RTF2: variants seen among roughly 807,000 people sequenced by gnomAD.
The protein encoded by RTF2 is UPF0549 protein C20orf43.
Under a neutral mutation model 38.0 loss-of-function variants are expected in RTF2, and 18 were observed. The observed-to-expected ratio is 0.47, with a 90% CI of 0.33 to 0.70. The LOEUF (loss-of-function observed/expected upper bound fraction) is 0.70. Among genes scored for constraint, RTF2 ranks in the 30% least tolerant of loss-of-function variants. The pLI is 0.02. For missense variants in RTF2, 311 were observed against 379.6 expected (o/e 0.82, Z 1.50); for synonymous variants, 126 against 137.1 (o/e 0.92, Z 0.57).
Position 56,518,151 on chromosome 20 carries a change from C to T in RTF2, c.807C>T (p.Ile269=), listed in dbSNP as rs200691661. 1.9e-5 allele frequency: 30 copies of T among 1,614,030 alleles called. No homozygotes were observed. Among genetic ancestry groups the T allele is most frequent in the East Asian group, 4.5e-5 (2 of 44,896 alleles). The change falls in exon 9 of 9, where the codon ATC becomes ATT. Residue 269 remains isoleucine, a synonymous_variant. Coordinates refer to ENST00000357348, the MANE Select transcript of RTF2 (RefSeq NM_016407.5). ...KPPCGATKRS[I]ADSEESEAYK... is the part of the protein sequence containing the mutation. ...CGTGTGGAGCCACAAAGAGGTCCAT[C>T]GCTGACAGTGAAGAATCGGAGGCCT...
rs539046442 is a variant in RTF2 at position 56,468,665 on chromosome 20, G to A, written c.-33G>A. 2 of 1,550,858 alleles carry A rather than the reference G, an allele frequency of 1.3e-6. No homozygotes were observed. Among genetic ancestry groups the A allele is most frequent in the Non-Finnish European group, 8.7e-7 (1 of 1,145,152 alleles). ...GAAATCCCGGAAGTGACAGCTTTGG[G>A]GGTTTGCTGCTGGCTCTGACTCCCG... On this transcript the variant is annotated 5_prime_UTR_variant, in exon 1 of 9. Coordinates refer to ENST00000357348, the MANE Select transcript of RTF2 (RefSeq NM_016407.5).
At chr20:56,514,884 TAA>T (rs1413226872) in intron 6 of RTF2, among the ~76,000 whole-genome samples, 1 of 152,246 alleles carries the variant, frequency 6.6e-6, no homozygotes, top group South Asian at 2.1e-4. Flanking sequence ...AACAACTGTT[TAA>T]AGAGTCACTT....
At chr20:56,492,814 G>A (rs980182145) in intron 5 of RTF2, among the ~76,000 whole-genome samples, 1 of 152,026 alleles carries the variant, frequency 6.6e-6, no homozygotes, top group Admixed American at 6.6e-5. Flanking sequence ...TTTCAGAAAC[G>A]TTGCTCTTTC....
intron 2 of RTF2, 81 bp from the exon 3 acceptor site, chr20:56,474,597 G>A (rs938977448): frequency 1.2e-6 from 1 of 821,456 alleles, no homozygotes; most frequent in Admixed American, 2.7e-5. Flanking sequence ...ACGACTTTTG[G>A]ATTGTGTTCA....
intron 4 of RTF2, among the ~76,000 whole-genome samples, chr20:56,478,616 C>T (rs912361374): frequency 2.0e-5 from 3 of 152,180 alleles, no homozygotes; most frequent in Non-Finnish European, 4.4e-5. Context: ...TCACCTGAAC[C>T]TTCAGCGAGT....
chr20:56,491,919 C>G lies in RTF2; in HGVS notation c.477+7730C>G. 7 of 642,082 alleles carry G rather than the reference C, an allele frequency of 1.1e-5. No homozygotes were observed. The East Asian group carries it at 1.9e-4, about 18-fold the overall frequency. 39.8% of individuals were successfully genotyped at this position (642,082 alleles called of 1,614,324 possible). Reference sequence around the variant, plus strand: ...CCAGAGTTCACATCAAACAGCATTTCCATGATTGCCTTGACAGGGGCTTTT... The same window carrying G: ...CCAGAGTTCACATCAAACAGCATTTGCATGATTGCCTTGACAGGGGCTTTT... On this transcript the variant is annotated intron_variant, in intron 5 of 8. Transcript: ENST00000357348.
intron 5 of RTF2, among the ~76,000 whole-genome samples, chr20:56,498,068 T>C (rs948660051): frequency 6.6e-6 from 1 of 151,478 alleles, no homozygotes; most frequent in Non-Finnish European, 1.5e-5. Flanking sequence ...ATTTCCCTAA[T>C]GACTAATGAT....
chr20:56,497,684 A>AT lies in RTF2; in HGVS notation c.477+13496dup, dbSNP rs537102803. On this transcript the variant is annotated intron_variant, in intron 5 of 8. Transcript: ENST00000357348. ...TTTAAGCTTCCTAAAAGAACAACAG[A>AT]TACAATTTAGGGTGTTGTAATTCTC... The AT allele has an allele frequency of 8.2e-4, 905 of 1,104,456 alleles. 6 individuals are homozygous for AT. In the African/African-American group the frequency reaches 0.014, roughly 17 times the overall value. The allele number at this position is 1,104,456 out of a possible 1,614,324, so 68.4% of individuals were successfully genotyped here.
At chr20:56,490,068 CT>C (rs1983025531) in intron 5 of RTF2, among the ~76,000 whole-genome samples, 2 of 152,194 alleles carry the variant, frequency 1.3e-5, no homozygotes, top group South Asian at 4.1e-4. Flanking sequence ...AAAGGTGTTA[CT>C]TTTCTGTGGT....
At chr20:56,504,225 G>T (rs1200703941) in intron 5 of RTF2, 3 of 152,126 alleles carry the variant, frequency 2.0e-5, no homozygotes, top group African/African-American at 4.8e-5. Flanking sequence ...TATTCCTGTT[G>T]GTTCTGACCT....
intron 5 of RTF2, chr20:56,497,273 T>C (rs1568702490): frequency 6.4e-7 from 1 of 1,551,568 alleles, no homozygotes; most frequent in Admixed American, 2.0e-5. Context: ...TTATAATATA[T>C]GCCAAAGAGA....
chr20:56,505,972 C>G (rs1280226257), intron 5 of RTF2, among the ~76,000 whole-genome samples: 1 of 152,122 alleles, frequency 6.6e-6, no homozygotes, highest in African/African-American at 2.4e-5. Context: ...GGAGCTATCT[C>G]CCTTGCCATT....
intron 5 of RTF2, among the ~76,000 whole-genome samples, chr20:56,505,236 C>T (rs1984187882): frequency 2.0e-5 from 3 of 151,984 alleles, no homozygotes; most frequent in Non-Finnish European, 4.4e-5. Context: ...TCTGTAATCC[C>T]AGCACTTTGA....
rs138510750 is a variant in RTF2 at position 56,491,556 on chromosome 20, C to T, written c.477+7367C>T. 3.4e-5 allele frequency: 52 copies of T among 1,532,364 alleles called. No individual in the cohort carries two copies. In the Middle Eastern group the frequency reaches 6.7e-4, roughly 20 times the overall value. 94.9% of individuals were successfully genotyped at this position (1,532,364 alleles called of 1,614,324 possible). A position where few individuals can be genotyped will look rare whatever the true frequency, so the allele number is the denominator to read the frequency against. ...GATACCAGTAAGAAAGCAAACACTC[C>T]CTAGCGGTTCAGTCTCATATTGAAA... is the stretch of plus-strand genomic sequence containing the variant. On this transcript the variant is annotated intron_variant, in intron 5 of 8. Coordinates refer to ENST00000357348, the MANE Select transcript of RTF2 (RefSeq NM_016407.5).
intron 1 of RTF2, among the ~76,000 whole-genome samples, chr20:56,472,946 C>G (rs1387784268): frequency 1.3e-5 from 2 of 152,096 alleles, no homozygotes; most frequent in South Asian, 4.1e-4. Flanking sequence ...TTGGGGGCAG[C>G]ATGGCAAAAC....
intron 5 of RTF2, among the ~76,000 whole-genome samples, chr20:56,487,403 C>T (rs1303632420): frequency 6.6e-6 from 1 of 152,156 alleles, no homozygotes; most frequent in Admixed American, 6.5e-5. Flanking sequence ...CAGGATTGCA[C>T]AAGGGACAGT....
intron 6 of RTF2, chr20:56,514,009 A>G (rs1984861025): frequency 6.5e-6 from 1 of 153,204 alleles, no homozygotes; most frequent in Non-Finnish European, 1.5e-5. Flanking sequence ...GTGTGGATGC[A>G]ACTCCTCAGG....
intron 5 of RTF2, among the ~76,000 whole-genome samples, chr20:56,502,037 G>A (rs1983959416): frequency 6.6e-6 from 1 of 152,148 alleles, no homozygotes; most frequent in Admixed American, 6.6e-5. Flanking sequence ...TATGTATATA[G>A]TGTACAGTGG....
chr20:56,491,592 G>T (rs777937654), intron 5 of RTF2: 191 of 1,551,398 alleles, frequency 1.2e-4, no homozygotes, highest in Non-Finnish European at 1.6e-4. Flanking sequence ...TGACTCTGCT[G>T]TTGAAAATGC....
Sources: gnomAD v4.1 joint callset for allele counts (sites outside exome capture counted in the v4.1 genomes callset) on GRCh38, gnomAD v4.1.1 for gene constraint, MANE v1.5 for transcripts, NCBI Gene and HGNC (gene_info 2026-07-23, HGNC 2026-07-21) for gene names.